Variants in NUDT4 observed in about 807,000 individuals in gnomAD.
The protein encoded by NUDT4 is nudix hydrolase 4.
Under a neutral mutation model 23.1 loss-of-function variants are expected in NUDT4, and 5 were observed. The ratio of observed to expected loss-of-function variants is 0.22; its 90% CI spans 0.11 to 0.46. The LOEUF (loss-of-function observed/expected upper bound fraction) is 0.46, where lower values mean the gene tolerates loss of function less well. NUDT4 is among the 20% of genes least tolerant of loss of function. The probability of loss-of-function intolerance (pLI) is 0.99; values close to 1 mark genes in which losing one functional copy is unlikely to be tolerated. For missense variants in NUDT4, 96 were observed against 211.6 expected, an observed-to-expected ratio of 0.45 and a Z score of 3.39; for synonymous variants, 50 against 79.0, an observed-to-expected ratio of 0.63 and a Z score of 1.95.
At position 93,406,909 on chromosome 12, in the gene NUDT4, T is replaced by C. The variant is rs1377669522; in HGVS notation, c.*7530T>C. On this transcript the variant is annotated 3_prime_UTR_variant, in exon 5 of 5. Coordinates refer to ENST00000415493, the MANE Select transcript of NUDT4 (RefSeq NM_019094.6). ...AGACAGCCTTTGAGAGGATGAAGGATAACTAGAGCAGAAGCAAATCGCAGC... is the reference window on the plus strand; with the variant it reads ...AGACAGCCTTTGAGAGGATGAAGGACAACTAGAGCAGAAGCAAATCGCAGC... 6.6e-6 allele frequency: 1 copy of C among 152,188 alleles called. No individual in the cohort carries two copies. Among genetic ancestry groups the C allele is most frequent in the Non-Finnish European group, 1.5e-5 (1 of 68,046 alleles). The allele number at this position is 152,188 out of a possible 1,614,324, so 9.4% of individuals were successfully genotyped here. A position where few individuals can be genotyped will look rare whatever the true frequency, so the allele number is the denominator to read the frequency against.
Position 93,408,036 on chromosome 12 carries a change from C to T in NUDT4, c.*8657C>T, listed in dbSNP as rs1236688017. ...ACATCATTTAGACATTTTTGTAGTG[C>T]AACAGATTTAAATCTGGAATTTCAT... is the stretch of plus-strand genomic sequence containing the variant. On this transcript the variant is annotated 3_prime_UTR_variant, in exon 5 of 5. Coordinates refer to ENST00000415493, the MANE Select transcript of NUDT4 (RefSeq NM_019094.6). 1.3e-5 allele frequency: 2 copies of T among 152,164 alleles called. No homozygotes were observed. The highest frequency in any genetic ancestry group is 2.9e-5 in the Non-Finnish European group (2 of 68,028). 9.4% of individuals were successfully genotyped at this position (152,164 alleles called of 1,614,324 possible).
At chr12:93,383,634 C>A (rs980504990) in intron 1 of NUDT4, among the ~76,000 whole-genome samples, 2 of 152,184 alleles carry the variant, frequency 1.3e-5, no homozygotes, top group African/African-American at 4.8e-5. Flanking sequence ...GGGTTCAAGA[C>A]CAGCCTGGGC....
chr12:93,389,625 G>A (rs913829350), intron 1 of NUDT4, among the ~76,000 whole-genome samples: 11 of 152,104 alleles, frequency 7.2e-5, no homozygotes, highest in Admixed American at 2.6e-4. Flanking sequence ...AGCATAGACC[G>A]GGCGCGGTGG....
At chr12:93,395,137 C>CG (rs1442591459) in intron 2 of NUDT4, among the ~76,000 whole-genome samples, 1 of 152,218 alleles carries the variant, frequency 6.6e-6, no homozygotes, top group Non-Finnish European at 1.5e-5. Flanking sequence ...GCGTGAGCCA[C>CG]TACACCTGGC....
chr12:93,396,300 T>C (rs1876931137), intron 3 of NUDT4, among the ~76,000 whole-genome samples: 1 of 152,180 alleles, frequency 6.6e-6, no homozygotes, highest in Non-Finnish European at 1.5e-5. Flanking sequence ...GCTAAAAGAA[T>C]AGAATTCTCT....
chr12:93,394,944 G>C (rs1204265051), intron 2 of NUDT4, among the ~76,000 whole-genome samples: 2 of 152,062 alleles, frequency 1.3e-5, no homozygotes, highest in Non-Finnish European at 2.9e-5. Flanking sequence ...CGCCTCCCAG[G>C]TTCAAGTGAT....
Position 93,406,181 on chromosome 12 carries a change from T to C in NUDT4, c.*6802T>C, listed in dbSNP as rs1877801075. 6.9e-6 allele frequency: 1 copy of C among 143,976 alleles called. No individual in the cohort carries two copies. The highest frequency in any genetic ancestry group is 7.5e-5 in the Admixed American group (1 of 13,266). 8.9% of individuals were successfully genotyped at this position (143,976 alleles called of 1,614,324 possible). A position where few individuals can be genotyped will look rare whatever the true frequency, so the allele number is the denominator to read the frequency against. Reference sequence around the variant, plus strand: ...TCCTCAGGAGGCTGAGGCAGGAGAATCGCTTGAACGCGGGAGGCAGAACCT... The same window carrying C: ...TCCTCAGGAGGCTGAGGCAGGAGAACCGCTTGAACGCGGGAGGCAGAACCT... On this transcript the variant is annotated 3_prime_UTR_variant, in exon 5 of 5. Coordinates refer to ENST00000415493, the MANE Select transcript of NUDT4 (RefSeq NM_019094.6).
intron 1 of NUDT4, 166 bp downstream of exon 1, chr12:93,378,587 T>G: frequency 7.8e-7 from 1 of 1,285,992 alleles, no homozygotes. Flanking sequence ...CACTTCTTCC[T>G]TCCTTTCTCT....
rs1877814332 is a variant in NUDT4, at chr12:93,406,305, A to AG, written c.*6928dup. ...AAAAAAAAAAAAAAAAAAAAAAAAA[A>AG]GGTTCCTGAACCATTCAACAGAAAA... On this transcript the variant is annotated 3_prime_UTR_variant, in exon 5 of 5. Transcript: ENST00000415493. 2.9e-5 allele frequency: 4 copies of AG among 136,296 alleles called. No homozygotes were observed. In the Admixed American group the frequency reaches 3.0e-4, roughly 10 times the overall value. 8.4% of individuals were successfully genotyped at this position (136,296 alleles called of 1,614,324 possible).
At chr12:93,392,243 T>C (rs867429734) in intron 1 of NUDT4, among the ~76,000 whole-genome samples, 2,939 of 118,356 alleles carry the variant, frequency 0.025, 123 homozygotes, top group African/African-American at 0.082. Context: ...TTCCTTTGTT[T>C]CCCCCCCCCC....
chr12:93,379,582 AT>A (rs57207174), intron 1 of NUDT4, among the ~76,000 whole-genome samples: 8 of 151,028 alleles, frequency 5.3e-5, no homozygotes, highest in East Asian at 1.9e-4. Flanking sequence ...TTTTGCCTTT[AT>A]TTTTTTTTGA....
chr12:93,405,666 C>T lies in NUDT4; in HGVS notation c.*6287C>T, dbSNP rs1388873719. On this transcript the variant is annotated 3_prime_UTR_variant, in exon 5 of 5. Coordinates refer to ENST00000415493, the MANE Select transcript of NUDT4 (RefSeq NM_019094.6). ...AGGGGTGAGTGTATAGTTAAGAAAACAAACAATATATTACTAGTCCAGGTG... is the reference window on the plus strand; with the variant it reads ...AGGGGTGAGTGTATAGTTAAGAAAATAAACAATATATTACTAGTCCAGGTG... The T allele has an allele frequency of 3.3e-5, 5 of 152,130 alleles. No individual in the cohort carries two copies. Among genetic ancestry groups the T allele is most frequent in the Admixed American group, 6.5e-5 (1 of 15,276 alleles). 9.4% of individuals were successfully genotyped at this position (152,130 alleles called of 1,614,324 possible). A position where few individuals can be genotyped will look rare whatever the true frequency, so the allele number is the denominator to read the frequency against.
At chr12:93,386,885 C>T (rs1876139528) in intron 1 of NUDT4, among the ~76,000 whole-genome samples, 1 of 152,070 alleles carries the variant, frequency 6.6e-6, no homozygotes, top group African/African-American at 2.4e-5. Context: ...AGTACACCTT[C>T]TTATTAATTT....
At chr12:93,379,255 C>A (rs1875453457) in intron 1 of NUDT4, among the ~76,000 whole-genome samples, 1 of 152,224 alleles carries the variant, frequency 6.6e-6, no homozygotes, top group East Asian at 1.9e-4. Context: ...TTGGGGTTTC[C>A]CTGGAGAGCG....
rs1012718777 is a variant in NUDT4 at position 93,399,113 on chromosome 12, A to C, written c.341-64A>C. 8 of 1,199,770 alleles carry C rather than the reference A, an allele frequency of 6.7e-6. No homozygotes were observed. The Admixed American group carries it at 1.2e-4, about 18-fold the overall frequency. The allele number at this position is 1,199,770 out of a possible 1,614,324, so 74.3% of individuals were successfully genotyped here. The stretch of plus-strand genomic sequence containing the variant: ...GTCATTTATCGGGGAGTAAGTGGAC[A>C]TTACTTATATGGCTTACTTTTTAAA... On this transcript the variant is annotated intron_variant, in intron 4 of 4. Coordinates refer to ENST00000415493, the MANE Select transcript of NUDT4 (RefSeq NM_019094.6).
rs371683658 is a variant in NUDT4, at chr12:93,385,941, T to TTATATATATATATA, written c.99+7537_99+7550dup. On this transcript the variant is annotated intron_variant, in intron 1 of 4. Transcript: ENST00000415493. The stretch of plus-strand genomic sequence containing the variant: ...ATATATATATATATAGTAAATCTTT[T>TTATATATATATATA]TATATATATATATATATATATATAT... Among the ~76,000 whole-genome samples, 160 of 104,532 alleles carry TTATATATATATATA rather than the reference T, an allele frequency of 1.5e-3. 1 individual carries two copies. Among genetic ancestry groups the TTATATATATATATA allele is most frequent in the African/African-American group, 5.5e-3 (150 of 27,438 alleles). 68.6% of individuals were successfully genotyped at this position (104,532 alleles called of 152,430 possible). A position where few individuals can be genotyped will look rare whatever the true frequency, so the allele number is the denominator to read the frequency against.
At chr12:93,381,947 C>G (rs1311132147) in intron 1 of NUDT4, among the ~76,000 whole-genome samples, 1 of 152,102 alleles carries the variant, frequency 6.6e-6, no homozygotes, top group Non-Finnish European at 1.5e-5. Flanking sequence ...GAGGCATTAA[C>G]AAATCAGTCT....
At chr12:93,386,361 G>C (rs1239527340) in intron 1 of NUDT4, among the ~76,000 whole-genome samples, 1 of 152,074 alleles carries the variant, frequency 6.6e-6, no homozygotes, top group Non-Finnish European at 1.5e-5. Context: ...TGGATCATTT[G>C]AGGTCAGGAG....
chr12:93,387,107 T>TAC (rs1876161061), intron 1 of NUDT4, among the ~76,000 whole-genome samples: 2 of 151,994 alleles, frequency 1.3e-5, no homozygotes, highest in Non-Finnish European at 2.9e-5. Flanking sequence ...ACTTTTTATG[T>TAC]TTTTGGTAGA....
Sources: gnomAD v4.1 joint callset for allele counts (sites outside exome capture counted in the v4.1 genomes callset) on GRCh38, gnomAD v4.1.1 for gene constraint, MANE v1.5 for transcripts, NCBI Gene and HGNC (gene_info 2026-07-23, HGNC 2026-07-21) for gene names.